Variants in ARPC1A observed in about 807,000 individuals in gnomAD.
ARPC1A encodes the protein actin-related protein 2/3 complex subunit 1A.
In ARPC1A, 8 loss-of-function variants were observed where a neutral mutation model predicts 46.9. That is an observed-to-expected ratio of 0.17 (90% confidence interval 0.10 to 0.31). The LOEUF is 0.31. ARPC1A is among the 10% of genes least tolerant of loss of function. The probability of loss-of-function intolerance (pLI) is 1.00; values close to 1 mark genes in which losing one functional copy is unlikely to be tolerated. For missense variants in ARPC1A, 286 were observed against 483.6 expected (o/e 0.59, Z 3.83); for synonymous variants, 152 against 169.0 (o/e 0.90, Z 0.78).
chr7:99,355,581 C>T (rs1017676839), intron 6 of ARPC1A, among the ~76,000 whole-genome samples: 2 of 150,998 alleles, frequency 1.3e-5, no homozygotes, highest in African/African-American at 2.4e-5. Context: ...CCTGTCTCTA[C>T]AAAAATACAA....
chr7:99,339,191 A>T (rs985035754), intron 3 of ARPC1A, among the ~76,000 whole-genome samples: 5 of 152,182 alleles, frequency 3.3e-5, no homozygotes, highest in African/African-American at 4.8e-5. Context: ...TGGAAGGCAG[A>T]CTATAATTTG....
chr7:99,343,572 G>C (rs572311883), intron 3 of ARPC1A, among the ~76,000 whole-genome samples: 8 of 152,114 alleles, frequency 5.3e-5, no homozygotes, highest in Non-Finnish European at 1.2e-4. Flanking sequence ...CTTGAGTCTT[G>C]GTATATGAAA....
At chr7:99,363,674 ACT>A in intron 9 of ARPC1A, 41 bp downstream of exon 9, 2 of 1,473,358 alleles carry the variant, frequency 1.4e-6, no homozygotes, top group Non-Finnish European at 1.8e-6. Context: ...TTGTGTTAAA[ACT>A]TTTTTTTTTT....
chr7:99,327,322 A>G (rs1793062990), intron 1 of ARPC1A, among the ~76,000 whole-genome samples: 1 of 144,548 alleles, frequency 6.9e-6, no homozygotes, highest in Non-Finnish European at 1.5e-5. Context: ...TTATTTACTT[A>G]TTTTTGGAGA....
chr7:99,358,830 C>CGT (rs1793687884), intron 7 of ARPC1A: 2 of 159,004 alleles, frequency 1.3e-5, no homozygotes, highest in African/African-American at 4.9e-5. Flanking sequence ...CGTGCCCGGC[C>CGT]TCAGAGGTCA....
intron 6 of ARPC1A, among the ~76,000 whole-genome samples, chr7:99,354,974 C>T (rs183401850): frequency 5.9e-5 from 9 of 152,112 alleles, no homozygotes; most frequent in African/African-American, 1.7e-4. Context: ...ATTAGCTGGA[C>T]GTGGTGGCAC....
At chr7:99,362,666 A>G (rs1484669928) in intron 8 of ARPC1A, among the ~76,000 whole-genome samples, 1 of 151,040 alleles carries the variant, frequency 6.6e-6, no homozygotes, top group Non-Finnish European at 1.5e-5. Context: ...TTTTTATTTA[A>G]GCTCACAGGC....
chr7:99,348,987 T>G, intron 5 of ARPC1A, 28 bp downstream of exon 5: 1 of 1,568,756 alleles, frequency 6.4e-7, no homozygotes, highest in Middle Eastern at 1.7e-4. Flanking sequence ...CTGATAAACT[T>G]GAGCCGTGCA....
intron 1 of ARPC1A, among the ~76,000 whole-genome samples, chr7:99,326,659 CA>C (rs1284243022): frequency 9.2e-5 from 14 of 152,190 alleles, no homozygotes; most frequent in African/African-American, 3.4e-4. Flanking sequence ...TCCTCATCTG[CA>C]ATAAAAAGAT....
At chr7:99,339,167 C>G (rs1412859767) in intron 3 of ARPC1A, among the ~76,000 whole-genome samples, 4 of 152,114 alleles carry the variant, frequency 2.6e-5, no homozygotes, top group African/African-American at 9.7e-5. Flanking sequence ...ACCAGCAGTC[C>G]TATTCCTCTC....
rs1385838836 is a variant in ARPC1A at position 99,354,134 on chromosome 7, C to T, written c.713+13C>T. The T allele has an allele frequency of 1.2e-6, 2 of 1,608,354 alleles. No individual in the cohort carries two copies. Among genetic ancestry groups the T allele is most frequent in the African/African-American group, 2.7e-5 (2 of 74,816 alleles). ...CAAAAAGTGTGCAGTGAGTATTTGC[C>T]TTTCATTTGGAAGGTGGGGAACAAG... is the stretch of plus-strand genomic sequence containing the variant. On this transcript the variant is annotated intron_variant, in intron 6 of 9. Coordinates refer to ENST00000262942, the MANE Select transcript of ARPC1A (RefSeq NM_006409.4).
chr7:99,335,908 T>C (rs1182617344), intron 2 of ARPC1A, among the ~76,000 whole-genome samples: 3 of 151,792 alleles, frequency 2.0e-5, no homozygotes, highest in African/African-American at 4.8e-5. Context: ...GAGCCGAGAT[T>C]GTGCCACCGC....
chr7:99,339,327 C>T (rs535277513), intron 3 of ARPC1A, among the ~76,000 whole-genome samples: 22 of 152,234 alleles, frequency 1.4e-4, no homozygotes, highest in Admixed American at 1.0e-3. Context: ...GCGGGAGGAT[C>T]GCTTGAACCC....
chr7:99,353,915 T>G lies in ARPC1A; in HGVS notation c.507T>G (p.Phe169Leu). The G allele has an allele frequency of 6.2e-7, 1 of 1,613,934 alleles. No individual in the cohort carries two copies. Among genetic ancestry groups the G allele is most frequent in the Non-Finnish European group, 8.5e-7 (1 of 1,179,818 alleles). The change falls in exon 6 of 10, where the codon TTT (phenylalanine) becomes TTG (leucine). Residue 169 changes from phenylalanine to leucine, a missense_variant. Phe to Leu is a conservative substitution (Grantham distance 22). This residue lies in a region of ARPC1A where 182 missense variants were observed against 276.7 expected (regional missense o/e 0.66). Transcript: ENST00000262942. ...CTCTCTGCCCTTTAAACAGAGTGTT[T>G]TCTGCCTACATTAAAGAAGTGGATG... is the stretch of plus-strand genomic sequence containing the variant. ...AGSCDFKCRV[F>L]SAYIKEVDEK...
intron 4 of ARPC1A, among the ~76,000 whole-genome samples, chr7:99,344,842 C>T (rs1043139901): frequency 6.9e-6 from 1 of 145,146 alleles, no homozygotes; most frequent in Non-Finnish European, 1.5e-5. Flanking sequence ...AAAGAGTCTC[C>T]GTTCCCTGAG....
rs1226764031 is a variant in ARPC1A at position 99,354,002 on chromosome 7, T to G, written c.594T>G (p.Phe198Leu). 1.9e-6 allele frequency: 3 copies of G among 1,614,044 alleles called. No homozygotes were observed. The highest frequency in any genetic ancestry group is 2.5e-6 in the Non-Finnish European group (3 of 1,179,896). ...KMPFGQLMSE[F>L]GGSGTGGWVH... ...CTTTTGGGCAGCTGATGTCAGAGTT[T>G]GGTGGCAGTGGCACTGGTGGCTGGG... The change falls in exon 6 of 10, where the codon TTT becomes TTG. Residue 198 changes from phenylalanine (F) to leucine (L), a missense_variant. Transcript: ENST00000262942.
intron 1 of ARPC1A, among the ~76,000 whole-genome samples, chr7:99,326,456 G>A (rs1234936320): frequency 1.3e-5 from 2 of 152,310 alleles, no homozygotes; most frequent in Admixed American, 1.3e-4. Context: ...TTCGGTTAAT[G>A]GGGAACCTTC....
At chr7:99,359,841 AGACATTCTTTCAGG>A (rs1008106716) in intron 8 of ARPC1A, 103 bp downstream of exon 8, 1 of 1,316,966 alleles carries the variant, frequency 7.6e-7, no homozygotes, top group Non-Finnish European at 1.1e-6. Context: ...CCTCAGGCCC[AGACATTCTTTCAGG>A]GACAAGTGCA....
intron 1 of ARPC1A, among the ~76,000 whole-genome samples, chr7:99,326,695 G>C (rs1374961444): frequency 6.6e-6 from 1 of 152,232 alleles, no homozygotes; most frequent in Admixed American, 6.5e-5. Context: ...TAAGAATCAA[G>C]TGAGCTTATT....
Sources: allele counts gnomAD v4.1 joint callset (sites outside exome capture counted in the v4.1 genomes callset), GRCh38; gene constraint gnomAD v4.1.1; regional missense constraint gnomAD v4.1.1; transcripts MANE v1.5; gene names NCBI Gene and HGNC (gene_info 2026-07-23, HGNC 2026-07-21).